Variants in RBM20 observed in about 807,000 individuals in gnomAD.
RBM20 encodes the protein RNA binding motif protein 20, also known as RNA-binding protein 20.
A neutral mutation model predicts 110.1 loss-of-function variants in RBM20; 51 were observed. The observed-to-expected ratio is 0.46, with a 90% CI of 0.37 to 0.59. The LOEUF (loss-of-function observed/expected upper bound fraction) is 0.59. Among genes scored for constraint, RBM20 ranks in the 20% least tolerant of loss-of-function variants. RBM20 has a pLI of 0.00. For missense variants in RBM20, 1,512 were observed against 1,574.9 expected, an observed-to-expected ratio of 0.96 and a Z score of 0.68; for synonymous variants, 589 against 618.2, an observed-to-expected ratio of 0.95 and a Z score of 0.70.
In RBM20 at chr10:110,679,510, C is replaced by G. The variant is rs546279155; in HGVS notation, c.191+34865C>G. On this transcript the variant is annotated intron_variant, in intron 1 of 13. Transcript: ENST00000369519. ...CACTGGGATTAGAGGCATGAGCCAC[C>G]GTGCCCAGCCTCTTCTTGTTAATAA... is the stretch of plus-strand genomic sequence containing the variant. Among the ~76,000 whole-genome samples, 78 of 152,308 alleles carry G rather than the reference C, an allele frequency of 5.1e-4. 1 individual carries two copies. The South Asian group carries it at 0.015, about 29-fold the overall frequency.
At chr10:110,801,298 G>A (rs973533248) in intron 7 of RBM20, among the ~76,000 whole-genome samples, 1 of 151,910 alleles carries the variant, frequency 6.6e-6, no homozygotes, top group Non-Finnish European at 1.5e-5. Context: ...GTGGTGGCAG[G>A]CGCCTGTAAT....
rs1390564872 is a variant in RBM20, at chr10:110,821,908, C to T, written c.3289C>T (p.Gln1097Ter). ...CCCCATCGAAACTGACCTCCAAAAC[C>T]AAGCTTGCCAAGAAGTGTTGACCCC... ...SPPIETDLQN[Q>*]ACQEVLTPEN... The change falls in exon 11 of 14, where the codon CAA becomes TAA. Residue 1097 changes from glutamine to a stop codon, truncating the protein, a stop_gained. Transcript: ENST00000369519. LOFTEE classifies it high-confidence loss of function. The T allele has an allele frequency of 6.4e-7, 1 of 1,551,728 alleles. No homozygotes were observed. Among genetic ancestry groups the T allele is most frequent in the South Asian group, 1.2e-5 (1 of 84,054 alleles).
At chr10:110,688,037 ATG>A (rs58766044) in intron 1 of RBM20, among the ~76,000 whole-genome samples, 1,966 of 104,396 alleles carry the variant, frequency 0.019, 54 homozygotes, top group African/African-American at 0.063. Context: ...GTGTGTGTGT[ATG>A]TGTGTGTATG....
intron 8 of RBM20, 70 bp from the exon 9 acceptor site, chr10:110,812,208 T>TG (rs1213242088): frequency 3.8e-6 from 5 of 1,323,116 alleles, no homozygotes; most frequent in African/African-American, 1.5e-5. Context: ...AGAGACTGTG[T>TG]GTCTGTGTGT....
At chr10:110,700,485 C>T (rs1176797430) in intron 1 of RBM20, among the ~76,000 whole-genome samples, 3 of 152,150 alleles carry the variant, frequency 2.0e-5, no homozygotes, top group Non-Finnish European at 2.9e-5. Flanking sequence ...GTGGCTTAAA[C>T]CAGAGGGACA....
chr10:110,648,444 A>C (rs1371862595), intron 1 of RBM20, among the ~76,000 whole-genome samples: 1 of 152,244 alleles, frequency 6.6e-6, no homozygotes, highest in East Asian at 1.9e-4. Context: ...GTATGCTGAC[A>C]ATTACATCCA....
chr10:110,680,765 G>A lies in RBM20; in HGVS notation c.191+36120G>A, dbSNP rs532116713. The stretch of plus-strand genomic sequence containing the variant: ...CCCAGCTTTGATGCACCTATACCAG[G>A]TTTGATCAGTAAGGTTGGAGGAAGA... On this transcript the variant is annotated intron_variant, in intron 1 of 13. Transcript: ENST00000369519. 8.5e-5 allele frequency among the ~76,000 whole-genome samples: 13 copies of A among 152,246 alleles called. No homozygotes were observed. The South Asian group carries it at 2.7e-3, about 32-fold the overall frequency.
intron 1 of RBM20, among the ~76,000 whole-genome samples, chr10:110,693,686 G>T (rs1435707635): frequency 1.3e-5 from 2 of 152,052 alleles, no homozygotes; most frequent in Non-Finnish European, 2.9e-5. Flanking sequence ...ATATATGATT[G>T]TTAATGTGTA....
rs185104888 is a variant in RBM20, at chr10:110,698,441, G to C, written c.191+53796G>C. 4.7e-3 allele frequency among the ~76,000 whole-genome samples: 711 copies of C among 152,318 alleles called. 4 individuals are homozygous for C. Among genetic ancestry groups the C allele is most frequent in the African/African-American group, 0.016 (653 of 41,568 alleles). ...GCCCTCGCTGGCAGGAGCCTGGCAG[G>C]AACCCTGCCTGTCCTTGAGGGCCCA... On this transcript the variant is annotated intron_variant, in intron 1 of 13. Coordinates refer to ENST00000369519, the MANE Select transcript of RBM20 (RefSeq NM_001134363.3).
intron 1 of RBM20, among the ~76,000 whole-genome samples, chr10:110,703,569 A>T (rs938521143): frequency 1.2e-4 from 19 of 152,206 alleles, no homozygotes; most frequent in Admixed American, 1.2e-3. Flanking sequence ...TCTCTTATTT[A>T]TCTTATAAAA....
In RBM20 at chr10:110,837,548, G is replaced by A. The variant is rs1845148044; in HGVS notation, c.*1570G>A. 6.6e-6 allele frequency: 1 copy of A among 152,234 alleles called. No individual in the cohort carries two copies. Among genetic ancestry groups the A allele is most frequent in the Non-Finnish European group, 1.5e-5 (1 of 68,110 alleles). The allele number at this position is 152,234 out of a possible 1,614,324, so 9.4% of individuals were successfully genotyped here. On this transcript the variant is annotated 3_prime_UTR_variant, in exon 14 of 14. Transcript: ENST00000369519. ...GACCTTGGGCAGGCAGACTGAGAAGGGACTGTGTAGGGTTTTGTTTTGTTT... is the reference window on the plus strand; with the variant it reads ...GACCTTGGGCAGGCAGACTGAGAAGAGACTGTGTAGGGTTTTGTTTTGTTT...
chr10:110,700,858 TAAA>T lies in RBM20; in HGVS notation c.191+56218_191+56220del, dbSNP rs1167843604. Among the ~76,000 whole-genome samples the T allele has an allele frequency of 3.3e-5, 5 of 151,902 alleles. No homozygotes were observed. In the East Asian group the frequency reaches 9.7e-4, roughly 29 times the overall value. Reference sequence around the variant, plus strand: ...TGGTGAAAGCCTGTCTCTACTAAAATAAAAAAATTAGCCAGCCATGATAGCGGG... The same window carrying T: ...TGGTGAAAGCCTGTCTCTACTAAAATAAAATTAGCCAGCCATGATAGCGGG... On this transcript the variant is annotated intron_variant, in intron 1 of 13. Coordinates refer to ENST00000369519, the MANE Select transcript of RBM20 (RefSeq NM_001134363.3).
chr10:110,674,040 C>A (rs1322444675), intron 1 of RBM20, among the ~76,000 whole-genome samples: 8 of 152,122 alleles, frequency 5.3e-5, no homozygotes, highest in African/African-American at 1.2e-4. Flanking sequence ...CTCCTTCCTG[C>A]ATTTTTATAT....
At chr10:110,683,760 T>G (rs1862457433) in intron 1 of RBM20, among the ~76,000 whole-genome samples, 1 of 152,224 alleles carries the variant, frequency 6.6e-6, no homozygotes, top group South Asian at 2.1e-4. Context: ...TTGAGTCAGT[T>G]TTTTAAAATA....
chr10:110,796,162 A>G (rs1844547360), intron 5 of RBM20, among the ~76,000 whole-genome samples: 1 of 152,242 alleles, frequency 6.6e-6, no homozygotes, highest in Non-Finnish European at 1.5e-5. Context: ...GTATATATGA[A>G]GAAGGTTCAG....
chr10:110,719,951 C>T (rs1843484768), intron 1 of RBM20, among the ~76,000 whole-genome samples: 1 of 151,868 alleles, frequency 6.6e-6, no homozygotes, highest in Admixed American at 6.6e-5. Flanking sequence ...GATCAAGGCA[C>T]CAGCAAATTT....
At chr10:110,735,240 A>G (rs571954678) in intron 1 of RBM20, among the ~76,000 whole-genome samples, 5 of 152,336 alleles carry the variant, frequency 3.3e-5, no homozygotes, top group African/African-American at 9.6e-5. Flanking sequence ...AATAGTATAT[A>G]TAGAATTTGG....
At chr10:110,707,738 A>G (rs574815653) in intron 1 of RBM20, among the ~76,000 whole-genome samples, 2 of 152,278 alleles carry the variant, frequency 1.3e-5, no homozygotes, top group South Asian at 4.2e-4. Context: ...GAGTAAAATG[A>G]TGGTTACCAG....
intron 11 of RBM20, chr10:110,822,380 G>C (rs1447248246): frequency 8.7e-6 from 4 of 457,824 alleles, no homozygotes; most frequent in Non-Finnish European, 1.7e-5. Context: ...GATCCTTAAA[G>C]GGTACAGCTG....
Sources: gnomAD v4.1 joint callset for allele counts (sites outside exome capture counted in the v4.1 genomes callset) on GRCh38, gnomAD v4.1.1 for gene constraint, MANE v1.5 for transcripts, NCBI Gene and HGNC (gene_info 2026-07-23, HGNC 2026-07-21) for gene names.